The following GLRA3 variants were observed in gnomAD, a reference collection of about 807,000 sequenced individuals.
GLRA3 encodes glycine receptor alpha 3, also known as glycine receptor subunit alpha-3.
In GLRA3, 44 loss-of-function variants were observed where a neutral mutation model predicts 60.4. The observed-to-expected ratio is 0.73, with a 90% confidence interval of 0.57 to 0.94. The LOEUF is 0.94. Ranked by LOEUF, GLRA3 falls within the 40% of genes least tolerant of loss-of-function variation. The pLI, the probability that GLRA3 is intolerant of heterozygous loss-of-function variation, is 0.00. For synonymous variants in GLRA3, 223 were observed against 192.9 expected (o/e 1.16, Z -1.29); for missense variants, 508 against 564.6 (o/e 0.90, Z 1.02).
At chr4:174,711,416 T>C (rs1001790388) in intron 5 of GLRA3, among the ~76,000 whole-genome samples, 3 of 148,322 alleles carry the variant, frequency 2.0e-5, no homozygotes, top group Admixed American at 6.8e-5. Flanking sequence ...GTTACATACT[T>C]AGATTTTCCT....
At position 174,706,112 on chromosome 4, in the gene GLRA3, C is replaced by T. The variant is rs999951416; in HGVS notation, c.574+9376G>A. ...GGGCGTGGTGGCGGGCACCTGTAGT[C>T]CCAGCTACTCGGGAGGCTGAGACAG... is the stretch of plus-strand genomic sequence containing the variant. On this transcript the variant is annotated intron_variant, in intron 5 of 9. Transcript: ENST00000274093. Among the ~76,000 whole-genome samples, 6 of 152,030 alleles carry T rather than the reference C, an allele frequency of 3.9e-5. No homozygotes were observed. In the South Asian group the frequency reaches 8.3e-4, roughly 21 times the overall value.
chr4:174,790,843 A>AG (rs1203495092), intron 1 of GLRA3, among the ~76,000 whole-genome samples: 5 of 147,974 alleles, frequency 3.4e-5, no homozygotes, highest in African/African-American at 5.0e-5. Context: ...AAAAAAAAAA[A>AG]AAAGAAAGAA....
At chr4:174,783,120 G>T (rs1486911264) in intron 2 of GLRA3, among the ~76,000 whole-genome samples, 1 of 152,044 alleles carries the variant, frequency 6.6e-6, no homozygotes, top group African/African-American at 2.4e-5. Flanking sequence ...CCAAAACAGA[G>T]ATATAGATCA....
chr4:174,677,028 G>T, intron 7 of GLRA3, 50 bp downstream of exon 7: 1 of 1,109,830 alleles, frequency 9.0e-7, no homozygotes, highest in South Asian at 1.3e-5. Flanking sequence ...ATCTTTGCAA[G>T]ATTTATAAGT....
intron 7 of GLRA3, among the ~76,000 whole-genome samples, chr4:174,668,937 GC>G (rs1561043764): frequency 6.6e-6 from 1 of 152,046 alleles, no homozygotes; most frequent in Non-Finnish European, 1.5e-5. Context: ...CTGGTGGATT[GC>G]CCTAGTTCCT....
intron 2 of GLRA3, among the ~76,000 whole-genome samples, chr4:174,784,644 A>T (rs1367286916): frequency 6.6e-6 from 1 of 152,128 alleles, no homozygotes; most frequent in East Asian, 1.9e-4. Context: ...AATGACTTGG[A>T]CAAAATTCTA....
At chr4:174,694,211 G>A (rs1481764429) in intron 5 of GLRA3, among the ~76,000 whole-genome samples, 1 of 152,098 alleles carries the variant, frequency 6.6e-6, no homozygotes, top group East Asian at 1.9e-4. Flanking sequence ...TATTCAGAAT[G>A]TAAACTCGAC....
chr4:174,723,479 A>G (rs1378200922), intron 4 of GLRA3, among the ~76,000 whole-genome samples: 1 of 152,102 alleles, frequency 6.6e-6, no homozygotes, highest in Non-Finnish European at 1.5e-5. Context: ...TCCAACTCCA[A>G]TAAGACTTAA....
intron 1 of GLRA3, among the ~76,000 whole-genome samples, chr4:174,819,020 T>A (rs1003547491): frequency 2.0e-5 from 3 of 152,202 alleles, no homozygotes; most frequent in Non-Finnish European, 4.4e-5. Context: ...TGTAATCACT[T>A]GTTTATAAAA....
rs116723945 is a variant in GLRA3, at chr4:174,678,303, T to C, written c.713-1011A>G. 7.5e-3 allele frequency among the ~76,000 whole-genome samples: 1,138 copies of C among 152,300 alleles called. 7 individuals carry two copies. Among genetic ancestry groups the C allele is most frequent in the Middle Eastern group, 0.024 (7 of 292 alleles). On this transcript the variant is annotated intron_variant, in intron 6 of 9. Coordinates refer to ENST00000274093, the MANE Select transcript of GLRA3 (RefSeq NM_006529.4). ...TGTCCTGGTTCTACTCCCTACTCTA[T>C]TGATATTGATTTATACTACTCTATG...
At chr4:174,789,121 T>C (rs895057336) in intron 1 of GLRA3, among the ~76,000 whole-genome samples, 178 bp from the exon 2 acceptor site, 3 of 152,182 alleles carry the variant, frequency 2.0e-5, no homozygotes, top group East Asian at 3.9e-4. Context: ...TAGTCAATAC[T>C]TGTAAGGTTT....
At chr4:174,723,248 A>G (rs544793004) in intron 4 of GLRA3, among the ~76,000 whole-genome samples, 205 of 152,262 alleles carry the variant, frequency 1.3e-3, no homozygotes, top group Middle Eastern at 3.4e-3. Flanking sequence ...GGCACAGTTA[A>G]GGGTTTTAGT....
chr4:174,655,555 G>A (rs1733164157), intron 9 of GLRA3, among the ~76,000 whole-genome samples: 1 of 152,042 alleles, frequency 6.6e-6, no homozygotes, highest in Admixed American at 6.6e-5. Flanking sequence ...TTTAGCTACT[G>A]GAGATATAAT....
At chr4:174,781,337 C>T (rs1334528153) in intron 2 of GLRA3, among the ~76,000 whole-genome samples, 1 of 149,140 alleles carries the variant, frequency 6.7e-6, no homozygotes, top group African/African-American at 2.5e-5. Context: ...AAATTTATAG[C>T]ACTAAATGCC....
At chr4:174,777,863 C>T (rs1346993480) in intron 2 of GLRA3, among the ~76,000 whole-genome samples, 1 of 152,082 alleles carries the variant, frequency 6.6e-6, no homozygotes, top group Admixed American at 6.5e-5. Flanking sequence ...CTCTTTAAAA[C>T]AAGTCTATTA....
intron 5 of GLRA3, chr4:174,713,575 C>T (rs1735801131): frequency 6.6e-6 from 1 of 152,174 alleles, no homozygotes; most frequent in South Asian, 2.1e-4. Flanking sequence ...ATAACAATTG[C>T]TTTTTTCAAG....
intron 3 of GLRA3, among the ~76,000 whole-genome samples, chr4:174,743,222 A>C (rs1253688459): frequency 6.6e-6 from 1 of 152,132 alleles, no homozygotes; most frequent in Non-Finnish European, 1.5e-5. Context: ...TTACCTGCAG[A>C]CCTATTTTGA....
chr4:174,812,365 A>G (rs564774276), intron 1 of GLRA3, among the ~76,000 whole-genome samples: 31 of 152,158 alleles, frequency 2.0e-4, no homozygotes, highest in Non-Finnish European at 3.2e-4. Flanking sequence ...CAGAGTAGGG[A>G]CTCATTCAGA....
At chr4:174,711,404 TG>T (rs1174577191) in intron 5 of GLRA3, among the ~76,000 whole-genome samples, 2 of 149,804 alleles carry the variant, frequency 1.3e-5, no homozygotes, top group Non-Finnish European at 3.0e-5. Context: ...AGAAGTTATA[TG>T]GTTACATACT....
Sources: allele counts gnomAD v4.1 joint callset (sites outside exome capture counted in the v4.1 genomes callset), GRCh38; gene constraint gnomAD v4.1.1; transcripts MANE v1.5; gene names NCBI Gene and HGNC (gene_info 2026-07-23, HGNC 2026-07-21).